DAB1: variants seen among roughly 807,000 people sequenced by gnomAD.
The protein encoded by DAB1 is DAB adaptor protein 1, also known as disabled homolog 1.
A neutral mutation model predicts 64.6 loss-of-function variants in DAB1; 15 were observed. The observed-to-expected ratio is 0.23, with a 90% CI of 0.16 to 0.36. DAB1 has a LOEUF of 0.36. Among genes scored for constraint, DAB1 ranks in the 10% least tolerant of loss-of-function variants. DAB1 has a pLI of 1.00. For synonymous variants in DAB1, 235 were observed against 251.9 expected, an observed-to-expected ratio of 0.93 and a Z score of 0.64; for missense variants, 596 against 706.7, an observed-to-expected ratio of 0.84 and a Z score of 1.78.
intron 4 of DAB1, among the ~76,000 whole-genome samples, chr1:58,172,660 T>C (rs1419762703): frequency 6.6e-6 from 1 of 152,224 alleles, no homozygotes; most frequent in Non-Finnish European, 1.5e-5. Context: ...TAGCTAATCC[T>C]GACCTTAACC....
At chr1:58,005,029 CAG>C (rs1385358314) in intron 5 of DAB1, among the ~76,000 whole-genome samples, 2 of 151,974 alleles carry the variant, frequency 1.3e-5, no homozygotes, top group African/African-American at 2.4e-5. Flanking sequence ...GATAAGAAAA[CAG>C]AGTCTTAAAA....
intron 2 of DAB1, among the ~76,000 whole-genome samples, chr1:57,223,166 AGG>A (rs1306125736): frequency 1.3e-5 from 2 of 152,204 alleles, no homozygotes; most frequent in Non-Finnish European, 2.9e-5. Context: ...CAGAAACCAA[AGG>A]CAAGTGCTAT....
chr1:57,340,849 A>G (rs1039854312), intron 1 of DAB1, among the ~76,000 whole-genome samples: 2 of 152,202 alleles, frequency 1.3e-5, no homozygotes, highest in Non-Finnish European at 2.9e-5. Context: ...TCTGAACTAC[A>G]AGAAGGGCCC....
intron 1 of DAB1, among the ~76,000 whole-genome samples, chr1:57,337,561 G>C (rs1570311552): frequency 6.6e-6 from 1 of 151,930 alleles, no homozygotes; most frequent in Admixed American, 6.6e-5. Context: ...TCTCTCCTAT[G>C]TTTTTTTTCC....
intron 5 of DAB1, among the ~76,000 whole-genome samples, chr1:57,929,686 G>A (rs555370790): frequency 6.6e-6 from 1 of 152,234 alleles, no homozygotes; most frequent in East Asian, 1.9e-4. Context: ...CTTGGCTTCT[G>A]GTGAGGGCTT....
intron 4 of DAB1, among the ~76,000 whole-genome samples, chr1:58,329,460 A>G (rs1010634818): frequency 4.6e-5 from 7 of 152,228 alleles, no homozygotes; most frequent in African/African-American, 1.7e-4. Context: ...AATGTACCAT[A>G]ACTTATGTAA....
At chr1:56,998,656 T>C (rs1645727255) in intron 14 of DAB1, among the ~76,000 whole-genome samples, 1 of 152,216 alleles carries the variant, frequency 6.6e-6, no homozygotes, top group Non-Finnish European at 1.5e-5. Flanking sequence ...CAAATTGCTC[T>C]TCTACAAATA....
At chr1:57,013,026 C>A (rs1462339210) in intron 12 of DAB1, among the ~76,000 whole-genome samples, 1 of 152,188 alleles carries the variant, frequency 6.6e-6, no homozygotes, top group Non-Finnish European at 1.5e-5. Flanking sequence ...TGCTTGGAGT[C>A]ATTTTTCTCG....
At chr1:57,000,052 T>G (rs1255703075) in intron 14 of DAB1, among the ~76,000 whole-genome samples, 4 of 148,306 alleles carry the variant, frequency 2.7e-5, no homozygotes, top group Admixed American at 2.7e-4. Context: ...TTTTTTTTTT[T>G]TTTTTTTTTG....
intron 1 of DAB1, among the ~76,000 whole-genome samples, chr1:58,544,843 C>T (rs2100506463): frequency 6.6e-6 from 1 of 152,322 alleles, no homozygotes; most frequent in East Asian, 1.9e-4. Context: ...ATCTGCTCAC[C>T]TCGGTCTCCC....
chr1:57,207,093 C>T (rs1048492244), intron 2 of DAB1, among the ~76,000 whole-genome samples: 6 of 150,808 alleles, frequency 4.0e-5, no homozygotes, highest in African/African-American at 1.5e-4. Context: ...CTCAGCCTCC[C>T]GAGTAGCTGG....
intron 3 of DAB1, among the ~76,000 whole-genome samples, chr1:58,346,898 A>G (rs1644006612): frequency 6.6e-6 from 1 of 152,234 alleles, no homozygotes; most frequent in Non-Finnish European, 1.5e-5. Flanking sequence ...GACTAAACTT[A>G]GAGTCAGATT....
At chr1:57,153,281 C>G (rs1659872095) in intron 2 of DAB1, among the ~76,000 whole-genome samples, 2 of 152,326 alleles carry the variant, frequency 1.3e-5, no homozygotes, top group South Asian at 4.1e-4. Context: ...CTGCCTCGGC[C>G]TCCCTGAGTG....
intron 4 of DAB1, among the ~76,000 whole-genome samples, chr1:58,313,369 C>T (rs1178044026): frequency 6.6e-6 from 1 of 152,108 alleles, no homozygotes; most frequent in Non-Finnish European, 1.5e-5. Context: ...GTTACCAGAA[C>T]CCAGCCCATG....
At chr1:57,501,513 TA>T (rs967085280) in intron 7 of DAB1, among the ~76,000 whole-genome samples, 69 of 152,318 alleles carry the variant, frequency 4.5e-4, no homozygotes, top group African/African-American at 1.6e-3. Context: ...AAGGATTAGA[TA>T]GACACACAGC....
At chr1:57,739,438 TCCCC>T (rs1647860166) in intron 6 of DAB1, among the ~76,000 whole-genome samples, 4 of 12,322 alleles carry the variant, frequency 3.2e-4, no homozygotes, top group African/African-American at 8.1e-4. Context: ...TCCCCTCCCC[TCCCC>T]TCCCCTCCCC....
At chr1:58,054,531 A>T (rs139903150) in intron 5 of DAB1, among the ~76,000 whole-genome samples, 34 of 152,346 alleles carry the variant, frequency 2.2e-4, no homozygotes, top group South Asian at 8.3e-4. Flanking sequence ...CCTAACTGCA[A>T]TGAACGAAGG....
intron 6 of DAB1, among the ~76,000 whole-genome samples, chr1:57,719,805 C>T (rs1177306415): frequency 6.6e-6 from 1 of 152,192 alleles, no homozygotes; most frequent in Non-Finnish European, 1.5e-5. Context: ...CGAACTAATA[C>T]ACTCAACCAG....
chr1:57,554,740 A>G (rs533876048), intron 7 of DAB1, among the ~76,000 whole-genome samples: 1 of 152,196 alleles, frequency 6.6e-6, no homozygotes, highest in East Asian at 1.9e-4. Context: ...GCTTTCAGTC[A>G]TATGAATTTG....
Sources: gnomAD v4.1 joint callset for allele counts (sites outside exome capture counted in the v4.1 genomes callset) on GRCh38, gnomAD v4.1.1 for gene constraint, MANE v1.5 for transcripts, NCBI Gene and HGNC (gene_info 2026-07-23, HGNC 2026-07-21) for gene names.